The following GABRB1 variants were observed in gnomAD, a reference collection of about 807,000 sequenced individuals.
GABRB1 encodes the protein gamma-aminobutyric acid receptor subunit beta-1.
Under a neutral mutation model 51.6 loss-of-function variants are expected in GABRB1, and 17 were observed. That is an observed-to-expected ratio of 0.33 (90% CI 0.23 to 0.49). The LOEUF (loss-of-function observed/expected upper bound fraction) is 0.49, where lower values mean the gene tolerates loss of function less well. GABRB1 is among the 20% of genes least tolerant of loss of function. GABRB1 has a pLI of 0.99. For missense variants in GABRB1, 410 were observed against 600.6 expected (o/e 0.68, Z 3.32); for synonymous variants, 247 against 218.9 (o/e 1.13, Z -1.14).
At chr4:47,219,204 A>G (rs183948331) in intron 4 of GABRB1, among the ~76,000 whole-genome samples, 1 of 152,024 alleles carries the variant, frequency 6.6e-6, no homozygotes, top group East Asian at 1.9e-4. Context: ...ATATTATGTA[A>G]CTGTAATGAT....
At chr4:47,383,455 A>C (rs549845138) in intron 5 of GABRB1, among the ~76,000 whole-genome samples, 6 of 152,304 alleles carry the variant, frequency 3.9e-5, no homozygotes, top group Admixed American at 2.6e-4. Context: ...GAGTGAGTGA[A>C]TAAGGGATAT....
intron 3 of GABRB1, among the ~76,000 whole-genome samples, chr4:47,071,517 C>T (rs1312077062): frequency 6.6e-6 from 1 of 152,160 alleles, no homozygotes; most frequent in African/African-American, 2.4e-5. Flanking sequence ...AAATGGCACA[C>T]ACCTCCAACC....
rs761281219 is a variant in GABRB1 at position 47,009,302 on chromosome 4, C to A, written c.-20+15376C>A. 7.0e-4 allele frequency among the ~76,000 whole-genome samples: 106 copies of A among 151,258 alleles called. 1 individual carries two copies. The highest frequency in any genetic ancestry group is 1.2e-3 in the Non-Finnish European group (80 of 67,860). On this transcript the variant is annotated intron_variant, in intron 1 of 3. Transcript: ENST00000513567. Reference sequence around the variant, plus strand: ...TTAAATATATGTTTTTGTATCAAAACATCACATTTACCACACAAAATATAT... The same window carrying A: ...TTAAATATATGTTTTTGTATCAAAAAATCACATTTACCACACAAAATATAT...
intron 4 of GABRB1, among the ~76,000 whole-genome samples, chr4:47,181,361 T>G (rs1031745854): frequency 2.6e-5 from 4 of 152,082 alleles, no homozygotes; most frequent in Non-Finnish European, 5.9e-5. Context: ...CATGCTTTAA[T>G]GGGTTTTTAC....
intron 4 of GABRB1, among the ~76,000 whole-genome samples, chr4:47,242,470 C>T (rs1721561480): frequency 6.6e-6 from 1 of 152,216 alleles, no homozygotes; most frequent in Non-Finnish European, 1.5e-5. Context: ...ACACTGTCTT[C>T]CACAATGGTT....
At chr4:47,102,623 G>A (rs181068332) in intron 3 of GABRB1, among the ~76,000 whole-genome samples, 3 of 151,918 alleles carry the variant, frequency 2.0e-5, no homozygotes, top group African/African-American at 7.2e-5. Context: ...GAGCAACCAG[G>A]GCAAAAATCC....
chr4:47,254,500 G>A (rs576896550), intron 4 of GABRB1, among the ~76,000 whole-genome samples: 131 of 150,590 alleles, frequency 8.7e-4, no homozygotes, highest in African/African-American at 3.0e-3. Context: ...GGAGTAGCTG[G>A]GACTACAGGT....
rs191736538 is a variant in GABRB1, at chr4:47,188,461, A to G, written c.461+26992A>G. Among the ~76,000 whole-genome samples, 16 of 152,080 alleles carry G rather than the reference A, an allele frequency of 1.1e-4. 1 individual carries two copies. The highest frequency in any genetic ancestry group is 7.2e-4 in the Admixed American group (11 of 15,240). On this transcript the variant is annotated intron_variant, in intron 4 of 8. Coordinates refer to ENST00000295454, the MANE Select transcript of GABRB1 (RefSeq NM_000812.4). ...ATTGACCTTCAAAAGGGAATATTGT[A>G]TTTTGGATGCCAAGGTAAATAATGT...
intron 5 of GABRB1, among the ~76,000 whole-genome samples, chr4:47,328,615 T>A (rs949465108): frequency 6.6e-6 from 1 of 152,134 alleles, no homozygotes; most frequent in Non-Finnish European, 1.5e-5. Flanking sequence ...ATATCCTTTG[T>A]AGGGACATGG....
rs558084603 is a variant in GABRB1 at position 47,424,311 on chromosome 4, C to A, written c.1081-1363C>A. On this transcript the variant is annotated intron_variant, in intron 8 of 8. Transcript: ENST00000295454. ...CTGTGTAAACGAGCCAGATTGTTAA[C>A]CGTTCTAAATCTCATTTGCCTTATC... Among the ~76,000 whole-genome samples, 15 of 152,246 alleles carry A rather than the reference C, an allele frequency of 9.9e-5. No homozygotes were observed. In the South Asian group the frequency reaches 2.3e-3, roughly 23 times the overall value.
At chr4:47,092,216 A>C (rs1577900194) in intron 3 of GABRB1, among the ~76,000 whole-genome samples, 1 of 115,520 alleles carries the variant, frequency 8.7e-6, no homozygotes, top group Admixed American at 1.3e-4. Flanking sequence ...CTTGCTGCCC[A>C]GGCTGGAGTG....
At chr4:47,123,773 T>A (rs1202522908) in intron 3 of GABRB1, among the ~76,000 whole-genome samples, 2 of 86,698 alleles carry the variant, frequency 2.3e-5, no homozygotes, top group Non-Finnish European at 4.1e-5. Context: ...ATATTATATA[T>A]CATATATTAT....
At position 47,075,822 on chromosome 4, in the gene GABRB1, G is replaced by C. The variant is rs921388646; in HGVS notation, c.240+43338G>C. Reference sequence around the variant, plus strand: ...GGATATTTAAGGATATCGAGATTAGGAGTTCTAAGGGTTTAATTGCTATCT... The same window carrying C: ...GGATATTTAAGGATATCGAGATTAGCAGTTCTAAGGGTTTAATTGCTATCT... On this transcript the variant is annotated intron_variant, in intron 3 of 8. Coordinates refer to ENST00000295454, the MANE Select transcript of GABRB1 (RefSeq NM_000812.4). 6.6e-5 allele frequency among the ~76,000 whole-genome samples: 10 copies of C among 152,262 alleles called. No homozygotes were observed. The South Asian group carries it at 8.3e-4, about 13-fold the overall frequency.
intron 3 of GABRB1, among the ~76,000 whole-genome samples, chr4:47,038,167 C>A (rs1725678743): frequency 6.6e-6 from 1 of 152,172 alleles, no homozygotes; most frequent in African/African-American, 2.4e-5. Flanking sequence ...ATACCATATT[C>A]TCCTGGTAGG....
intron 8 of GABRB1, among the ~76,000 whole-genome samples, chr4:47,413,130 G>C (rs1728812600): frequency 6.6e-6 from 1 of 152,190 alleles, no homozygotes; most frequent in Admixed American, 6.5e-5. Flanking sequence ...TCTACAGCTT[G>C]ATTTTTCAGA....
chr4:47,220,406 T>C (rs1213272466), intron 4 of GABRB1, among the ~76,000 whole-genome samples: 1 of 152,008 alleles, frequency 6.6e-6, no homozygotes, highest in African/African-American at 2.4e-5. Flanking sequence ...CTATATTCCT[T>C]ATCCTCTTCT....
chr4:47,416,043 A>C (rs1472809287), intron 8 of GABRB1, among the ~76,000 whole-genome samples: 1 of 152,212 alleles, frequency 6.6e-6, no homozygotes, highest in Non-Finnish European at 1.5e-5. Context: ...AACAACAAAA[A>C]AAGCACCTGC....
intron 4 of GABRB1, among the ~76,000 whole-genome samples, chr4:47,163,618 C>G (rs940217493): frequency 2.6e-5 from 4 of 151,916 alleles, no homozygotes; most frequent in African/African-American, 4.8e-5. Flanking sequence ...ATGGGTTTAA[C>G]AGAAGCCCAA....
intron 5 of GABRB1, among the ~76,000 whole-genome samples, chr4:47,342,024 T>C (rs1242477488): frequency 2.0e-5 from 3 of 152,176 alleles, no homozygotes; most frequent in Non-Finnish European, 4.4e-5. Context: ...CTCAATAGCA[T>C]TGAGGTCAAA....
Sources: gnomAD v4.1 joint callset for allele counts (sites outside exome capture counted in the v4.1 genomes callset) on GRCh38, gnomAD v4.1.1 for gene constraint, MANE v1.5 for transcripts, NCBI Gene and HGNC (gene_info 2026-07-23, HGNC 2026-07-21) for gene names.